FRMD4B: variants seen among roughly 807,000 people sequenced by gnomAD.
FRMD4B encodes the protein FERM domain containing 4B.
In FRMD4B, 74 loss-of-function variants were observed where a neutral mutation model predicts 141.5. The ratio of observed to expected loss-of-function variants is 0.52; its 90% CI spans 0.43 to 0.63. The LOEUF is 0.63. Among genes scored for constraint, FRMD4B ranks in the 30% least tolerant of loss-of-function variants. FRMD4B has a pLI of 0.00. For synonymous variants in FRMD4B, 506 were observed against 467.9 expected (o/e 1.08, Z -1.05); for missense variants, 1,366 against 1,253.4 (o/e 1.09, Z -1.36).
At chr3:69,278,793 T>C (rs1324828935) in intron 5 of FRMD4B, among the ~76,000 whole-genome samples, 1 of 152,078 alleles carries the variant, frequency 6.6e-6, no homozygotes, top group Non-Finnish European at 1.5e-5. Flanking sequence ...TTCACCACGT[T>C]GTCCAGGCTG....
chr3:69,175,812 G>T (rs1270240218), intron 22 of FRMD4B, among the ~76,000 whole-genome samples: 1 of 117,204 alleles, frequency 8.5e-6, no homozygotes, highest in African/African-American at 3.3e-5. Flanking sequence ...ATGGAGTCTC[G>T]CTCTGTCGCC....
intron 1 of FRMD4B, among the ~76,000 whole-genome samples, chr3:69,354,373 A>T (rs1220526066): frequency 2.0e-5 from 3 of 152,174 alleles, no homozygotes; most frequent in African/African-American, 7.2e-5. Flanking sequence ...ACTAAGTAAA[A>T]GTTTGTGACA....
At chr3:69,281,755 C>G (rs931956236) in intron 5 of FRMD4B, among the ~76,000 whole-genome samples, 1 of 150,066 alleles carries the variant, frequency 6.7e-6, no homozygotes, top group East Asian at 2.0e-4. Flanking sequence ...ACCCAGAAGG[C>G]GGAGGTTGTA....
At chr3:69,184,162 T>C (rs1328743630) in intron 19 of FRMD4B, among the ~76,000 whole-genome samples, 1 of 152,174 alleles carries the variant, frequency 6.6e-6, no homozygotes, top group Admixed American at 6.5e-5. Context: ...TCTGCCTGCC[T>C]CAGCCTCCCA....
At chr3:69,248,403 A>C (rs1457829474) in intron 7 of FRMD4B, among the ~76,000 whole-genome samples, 3 of 152,194 alleles carry the variant, frequency 2.0e-5, no homozygotes, top group African/African-American at 7.2e-5. Context: ...TCCGAACTGA[A>C]GTACAACTCC....
chr3:69,533,774 C>G (rs1411790371), intron 1 of FRMD4B, among the ~76,000 whole-genome samples: 1 of 152,196 alleles, frequency 6.6e-6, no homozygotes, highest in Non-Finnish European at 1.5e-5. Context: ...CCATGCACCC[C>G]CTGCTACCAT....
In FRMD4B at chr3:69,259,030, C is replaced by A. The variant is rs78615628; in HGVS notation, c.502-8931G>T. The stretch of plus-strand genomic sequence containing the variant: ...TCAAGTACATTACATTTATTGTACA[C>A]CTTATTTCTATTATTTTTACATTAA... On this transcript the variant is annotated intron_variant, in intron 5 of 22. Transcript: ENST00000398540. 5.1e-3 allele frequency among the ~76,000 whole-genome samples: 782 copies of A among 152,240 alleles called. 11 individuals are homozygous for A. Among genetic ancestry groups the A allele is most frequent in the African/African-American group, 0.018 (755 of 41,536 alleles).
chr3:69,450,985 T>C (rs978468772), intron 1 of FRMD4B, among the ~76,000 whole-genome samples: 1 of 152,174 alleles, frequency 6.6e-6, no homozygotes, highest in African/African-American at 2.4e-5. Context: ...ACAACCCAGC[T>C]AATATCTCGA....
At chr3:69,373,713 A>G (rs989098509) in intron 1 of FRMD4B, among the ~76,000 whole-genome samples, 6 of 152,128 alleles carry the variant, frequency 3.9e-5, no homozygotes, top group African/African-American at 1.4e-4. Flanking sequence ...TAAAAAATAA[A>G]AAAATACAAA....
chr3:69,397,741 A>T (rs1350885383), intron 2 of FRMD4B, among the ~76,000 whole-genome samples: 1 of 151,854 alleles, frequency 6.6e-6, no homozygotes, highest in Non-Finnish European at 1.5e-5. Context: ...AATGACTGCT[A>T]ATTAGTACAG....
intron 9 of FRMD4B, among the ~76,000 whole-genome samples, chr3:69,220,911 C>T (rs6798530): frequency 0.97 from 148,198 of 152,162 alleles, 72,306 homozygotes; most frequent in Middle Eastern, 1. Context: ...AATCTCCAAG[C>T]CCTTATTTCA....
At chr3:69,497,927 G>A (rs147973964) in intron 1 of FRMD4B, among the ~76,000 whole-genome samples, 1 of 152,308 alleles carries the variant, frequency 6.6e-6, no homozygotes, top group East Asian at 1.9e-4. Flanking sequence ...CCCAATGGGT[G>A]GTAGAGTCCA....
chr3:69,335,968 C>A (rs907396014), intron 1 of FRMD4B, among the ~76,000 whole-genome samples: 3 of 152,080 alleles, frequency 2.0e-5, no homozygotes, highest in African/African-American at 7.2e-5. Context: ...AGTGATCTGC[C>A]CACCTCAGCA....
chr3:69,540,646 T>A (rs1211345568), intron 1 of FRMD4B, among the ~76,000 whole-genome samples: 1,409 of 69,738 alleles, frequency 0.02, 9 homozygotes, highest in Non-Finnish European at 0.026. Context: ...AATATATATA[T>A]ATATATATAT....
At chr3:69,522,090 C>T (rs1314096548) in intron 1 of FRMD4B, among the ~76,000 whole-genome samples, 2 of 152,040 alleles carry the variant, frequency 1.3e-5, no homozygotes, top group Admixed American at 6.6e-5. Context: ...TCAGATTCTT[C>T]GGATACAGTA....
intron 4 of FRMD4B, among the ~76,000 whole-genome samples, chr3:69,290,296 G>C (rs997870262): frequency 1.3e-5 from 2 of 152,102 alleles, no homozygotes; most frequent in Non-Finnish European, 2.9e-5. Flanking sequence ...GGGTGAGGAG[G>C]GATTCAGTGG....
chr3:69,383,848 T>C (rs557492032), intron 1 of FRMD4B, among the ~76,000 whole-genome samples: 8 of 152,232 alleles, frequency 5.3e-5, no homozygotes, highest in Non-Finnish European at 1.0e-4. Flanking sequence ...GCATGAGCCA[T>C]GGTGCCCAAC....
At chr3:69,516,441 T>C (rs1700756489) in intron 1 of FRMD4B, among the ~76,000 whole-genome samples, 1 of 152,124 alleles carries the variant, frequency 6.6e-6, no homozygotes, top group Non-Finnish European at 1.5e-5. Flanking sequence ...GATGTTATAC[T>C]GCAACTTTGA....
chr3:69,187,432 G>A (rs547248367), intron 19 of FRMD4B, among the ~76,000 whole-genome samples: 6 of 151,106 alleles, frequency 4.0e-5, no homozygotes, highest in Non-Finnish European at 7.4e-5. Flanking sequence ...CCAGCTGCTC[G>A]GGAGGCTGAG....
Sources: gnomAD v4.1 joint callset for allele counts (sites outside exome capture counted in the v4.1 genomes callset) on GRCh38, gnomAD v4.1.1 for gene constraint, MANE v1.5 for transcripts, NCBI Gene and HGNC (gene_info 2026-07-23, HGNC 2026-07-21) for gene names.